CASQ2: variants seen among roughly 807,000 people sequenced by gnomAD.
CASQ2 encodes calsequestrin-2.
CASQ2 carries 49 observed loss-of-function variants against 46.5 expected under a neutral mutation model. That is an observed-to-expected ratio of 1.05 (90% CI 0.84 to 1.34). The LOEUF (loss-of-function observed/expected upper bound fraction) is 1.34. CASQ2 is among the 40% of genes most tolerant of loss of function. CASQ2 has a pLI of 0.00. For missense variants in CASQ2, 486 were observed against 481.3 expected (o/e 1.01, Z -0.09); for synonymous variants, 174 against 168.5 (o/e 1.03, Z -0.25).
At chr1:115,737,693 C>T (rs1648011198) in intron 4 of CASQ2, among the ~76,000 whole-genome samples, 1 of 152,222 alleles carries the variant, frequency 6.6e-6, no homozygotes, top group African/African-American at 2.4e-5. Context: ...GGTCACAAAG[C>T]TTTCAAAGGG....
intron 1 of CASQ2, among the ~76,000 whole-genome samples, chr1:115,762,553 C>A (rs1489006158): frequency 1.3e-5 from 2 of 152,172 alleles, no homozygotes; most frequent in Non-Finnish European, 2.9e-5. Flanking sequence ...CTAACAGCAT[C>A]AATTTTAACT....
chr1:115,729,332 C>T (rs929338812), intron 5 of CASQ2, among the ~76,000 whole-genome samples: 2 of 152,064 alleles, frequency 1.3e-5, no homozygotes, highest in Non-Finnish European at 2.9e-5. Context: ...GGATTACAGG[C>T]GTGAGCCACT....
At position 115,703,011 on chromosome 1, in the gene CASQ2, A is replaced by C. The variant is rs769909833; in HGVS notation, c.940-16T>G. 1.9e-6 allele frequency: 3 copies of C among 1,607,266 alleles called. No homozygotes were observed. The East Asian group carries it at 6.7e-5, about 36-fold the overall frequency. On this transcript the variant is annotated splice_polypyrimidine_tract_variant and intron_variant, in intron 9 of 10. Coordinates refer to ENST00000261448, the MANE Select transcript of CASQ2 (RefSeq NM_001232.4). ...AGGCAACGAGCTGCAGCAACAAAAA[A>C]ATAAGATTAGACAGCAGGCAGAGGG... is the stretch of plus-strand genomic sequence containing the variant.
In CASQ2 at chr1:115,737,818, T is replaced by C. The variant is rs899958582; in HGVS notation, c.532+406A>G. On this transcript the variant is annotated intron_variant, in intron 4 of 10. Transcript: ENST00000261448. ...CTGCTAAGCCCATCCCTACCCCAAT[T>C]TTCCACTCATGCTTTCCAATTGACT... Among the ~76,000 whole-genome samples the C allele has an allele frequency of 3.9e-5, 6 of 152,288 alleles. No individual in the cohort carries two copies. The East Asian group carries it at 5.8e-4, about 15-fold the overall frequency.
chr1:115,719,240 T>A (rs1294412218), intron 7 of CASQ2, among the ~76,000 whole-genome samples: 1 of 148,798 alleles, frequency 6.7e-6, no homozygotes, highest in Non-Finnish European at 1.5e-5. Context: ...CAGATACGCA[T>A]GTGTGTGCCT....
At chr1:115,722,337 G>A (rs1647407200) in intron 7 of CASQ2, among the ~76,000 whole-genome samples, 1 of 152,336 alleles carries the variant, frequency 6.6e-6, no homozygotes, top group South Asian at 2.1e-4. Context: ...GCAAAAGGCT[G>A]TATTTTATCT....
chr1:115,716,986 T>C (rs1213073322), intron 8 of CASQ2, among the ~76,000 whole-genome samples: 3 of 152,190 alleles, frequency 2.0e-5, no homozygotes, highest in Non-Finnish European at 4.4e-5. Context: ...TGGTTTCTTA[T>C]GATTTAACAC....
chr1:115,762,983 T>C (rs574990388), intron 1 of CASQ2, among the ~76,000 whole-genome samples: 1 of 152,334 alleles, frequency 6.6e-6, no homozygotes, highest in Non-Finnish European at 1.5e-5. Context: ...CATGTTGTCA[T>C]GTGACCAGTG....
intron 4 of CASQ2, among the ~76,000 whole-genome samples, chr1:115,736,182 T>C (rs1244863421): frequency 7.7e-6 from 1 of 129,758 alleles, no homozygotes; most frequent in Non-Finnish European, 1.7e-5. Context: ...AAAAAAAAAA[T>C]AGAAAAAGCA....
intron 2 of CASQ2, among the ~76,000 whole-genome samples, chr1:115,743,581 T>A (rs115673845): frequency 0.01 from 1,529 of 152,132 alleles, 13 homozygotes; most frequent in Middle Eastern, 0.027. Context: ...ATCTTTTTTT[T>A]AAAAAAAGAC....
chr1:115,750,289 G>A (rs934678178), intron 1 of CASQ2, among the ~76,000 whole-genome samples: 3 of 152,112 alleles, frequency 2.0e-5, no homozygotes, highest in East Asian at 1.9e-4. Context: ...TCCTGTTGAC[G>A]TACAACTGTT....
chr1:115,704,906 C>A (rs963140466), intron 9 of CASQ2, among the ~76,000 whole-genome samples: 1 of 152,190 alleles, frequency 6.6e-6, no homozygotes, highest in Non-Finnish European at 1.5e-5. Context: ...TGATGAGGGG[C>A]AGCTCTGGAG....
rs755259845 is a variant in CASQ2, at chr1:115,702,960, G to T, written c.975C>A (p.Asp325Glu). The change falls in exon 10 of 11, where the codon GAC (aspartate) becomes GAA (glutamate). Residue 325 changes from aspartate (D) to glutamate (E), a missense_variant. Coordinates refer to ENST00000261448, the MANE Select transcript of CASQ2 (RefSeq NM_001232.4). Reference sequence around the variant, plus strand: ...CCACCCCAATCTGTGGCCTGAATAGGTCAATCTTGAAAGTCTTCTCCCAGT... The same window carrying T: ...CCACCCCAATCTGTGGCCTGAATAGTTCAATCTTGAAAGTCTTCTCCCAGT... ...VAYWEKTFKI[D>E]LFRPQIGVVN... The T allele has an allele frequency of 2.5e-6, 4 of 1,613,598 alleles. No homozygotes were observed. Among genetic ancestry groups the T allele is most frequent in the Non-Finnish European group, 3.4e-6 (4 of 1,179,798 alleles).
chr1:115,707,049 T>TG (rs1654387636), intron 8 of CASQ2, among the ~76,000 whole-genome samples: 1 of 151,648 alleles, frequency 6.6e-6, no homozygotes, highest in African/African-American at 2.4e-5. Context: ...TTTTTTTTTT[T>TG]GTCTGTTGCC....
At chr1:115,748,210 T>C (rs1485373529) in intron 1 of CASQ2, among the ~76,000 whole-genome samples, 1 of 152,224 alleles carries the variant, frequency 6.6e-6, no homozygotes, top group African/African-American at 2.4e-5. Flanking sequence ...TTCTTTTCTA[T>C]GTTTGTTTCT....
At chr1:115,740,177 A>G (rs1648129264) in intron 3 of CASQ2, among the ~76,000 whole-genome samples, 1 of 152,232 alleles carries the variant, frequency 6.6e-6, no homozygotes, top group African/African-American at 2.4e-5. Context: ...GGTTACTGCA[A>G]GTGTGAGTTT....
intron 7 of CASQ2, among the ~76,000 whole-genome samples, chr1:115,721,551 G>A (rs1647376187): frequency 1.3e-5 from 2 of 152,016 alleles, no homozygotes; most frequent in Non-Finnish European, 2.9e-5. Flanking sequence ...GATGTCTGGG[G>A]AAGTGGATGT....
chr1:115,707,495 G>GGGTGAGGT (rs1008439664), intron 8 of CASQ2, among the ~76,000 whole-genome samples: 60 of 152,174 alleles, frequency 3.9e-4, no homozygotes, highest in African/African-American at 1.4e-3. Flanking sequence ...GCAGGGCTGG[G>GGGTGAGGT]GGTGAGGTGG....
At chr1:115,726,910 A>G in intron 6 of CASQ2, 82 bp downstream of exon 6, 1 of 1,141,290 alleles carries the variant, frequency 8.8e-7, no homozygotes, top group Non-Finnish European at 1.3e-6. Context: ...TGCTCTTGGC[A>G]GGTCTGAAAT....
Sources: gnomAD v4.1 joint callset for allele counts (sites outside exome capture counted in the v4.1 genomes callset) on GRCh38, gnomAD v4.1.1 for gene constraint, MANE v1.5 for transcripts, NCBI Gene and HGNC (gene_info 2026-07-23, HGNC 2026-07-21) for gene names.